Variants in DLG2 observed in about 807,000 individuals in gnomAD.
The protein encoded by DLG2 is discs large MAGUK scaffold protein 2.
A neutral mutation model predicts 132.5 loss-of-function variants in DLG2; 45 were observed. The observed-to-expected ratio is 0.34, with a 90% CI of 0.27 to 0.44. The LOEUF (loss-of-function observed/expected upper bound fraction) is 0.44. Ranked by LOEUF, DLG2 falls within the 20% of genes least tolerant of loss-of-function variation. The pLI is 1.00. For synonymous variants in DLG2, 424 were observed against 419.6 expected (o/e 1.01, Z -0.13); for missense variants, 1,045 against 1,196.9 (o/e 0.87, Z 1.87).
chr11:84,502,428 A>G (rs2099222481), intron 7 of DLG2, among the ~76,000 whole-genome samples: 1 of 126,700 alleles, frequency 7.9e-6, no homozygotes, highest in Non-Finnish European at 1.6e-5. Flanking sequence ...ACAGAGTCTC[A>G]TGCTGTCACC....
intron 21 of DLG2, among the ~76,000 whole-genome samples, chr11:83,503,579 T>C (rs1215753213): frequency 6.6e-6 from 1 of 151,570 alleles, no homozygotes; most frequent in Non-Finnish European, 1.5e-5. Flanking sequence ...TGGAGTCCGA[T>C]GTTCAAGGGT....
intron 7 of DLG2, among the ~76,000 whole-genome samples, chr11:84,356,365 T>C (rs1188602820): frequency 6.6e-6 from 1 of 152,110 alleles, no homozygotes; most frequent in African/African-American, 2.4e-5. Flanking sequence ...ACGAAGCTTA[T>C]ATGCTAGCAA....
At chr11:84,586,168 G>T (rs11821240) in intron 6 of DLG2, among the ~76,000 whole-genome samples, 59 of 149,320 alleles carry the variant, frequency 4.0e-4, no homozygotes, top group African/African-American at 7.2e-4. Flanking sequence ...AAAAAAAAGG[G>T]TTTGTAATTA....
intron 21 of DLG2, among the ~76,000 whole-genome samples, chr11:83,523,447 ATCT>A (rs1332977994): frequency 6.6e-6 from 1 of 152,182 alleles, no homozygotes; most frequent in East Asian, 1.9e-4. Flanking sequence ...ATATGTAAAA[ATCT>A]TCTAAAGAAT....
intron 4 of DLG2, among the ~76,000 whole-genome samples, chr11:85,265,461 T>A (rs1270870889): frequency 1.3e-5 from 2 of 152,146 alleles, no homozygotes; most frequent in East Asian, 3.9e-4. Context: ...CCCATTTGGC[T>A]CCAAGGCCTA....
At chr11:85,057,494 T>G (rs1020978230) in intron 6 of DLG2, among the ~76,000 whole-genome samples, 1 of 151,634 alleles carries the variant, frequency 6.6e-6, no homozygotes, top group Non-Finnish European at 1.5e-5. Flanking sequence ...TTCTAATCTC[T>G]GATAAATAAA....
chr11:85,133,811 C>T (rs1289784522), intron 5 of DLG2, among the ~76,000 whole-genome samples: 1 of 152,250 alleles, frequency 6.6e-6, no homozygotes, highest in African/African-American at 2.4e-5. Context: ...ATTTTAACAG[C>T]CAAATGATTA....
chr11:84,953,495 G>A (rs937884034), intron 6 of DLG2, among the ~76,000 whole-genome samples: 2 of 152,110 alleles, frequency 1.3e-5, no homozygotes, highest in South Asian at 4.1e-4. Context: ...TTCATCTTGA[G>A]AAACTTAATT....
intron 9 of DLG2, among the ~76,000 whole-genome samples, chr11:84,163,198 A>T (rs537122615): frequency 2.0e-5 from 3 of 152,200 alleles, no homozygotes; most frequent in Non-Finnish European, 4.4e-5. Flanking sequence ...AAAGTGCTGT[A>T]CAAGCTCATC....
At chr11:85,402,707 A>C (rs1054051363) in intron 3 of DLG2, among the ~76,000 whole-genome samples, 18 of 152,232 alleles carry the variant, frequency 1.2e-4, no homozygotes, top group Admixed American at 3.9e-4. Context: ...TTCTCAAAAG[A>C]AGACATTTAT....
At chr11:84,154,100 C>A (rs912413300) in intron 9 of DLG2, among the ~76,000 whole-genome samples, 1 of 152,190 alleles carries the variant, frequency 6.6e-6, no homozygotes, top group South Asian at 2.1e-4. Context: ...TGGGTTTAAG[C>A]GATTCTCATG....
At chr11:83,624,819 A>G (rs982347910) in intron 19 of DLG2, among the ~76,000 whole-genome samples, 2 of 152,234 alleles carry the variant, frequency 1.3e-5, no homozygotes, top group Non-Finnish European at 2.9e-5. Context: ...GGAAATCAGT[A>G]CAAAGTATAA....
chr11:83,851,280 C>G (rs543860436), intron 16 of DLG2, among the ~76,000 whole-genome samples: 1 of 152,004 alleles, frequency 6.6e-6, no homozygotes, highest in East Asian at 1.9e-4. Context: ...AAGAAGAGGT[C>G]ACAGTGGAGT....
At chr11:85,170,093 A>G (rs1252220808) in intron 4 of DLG2, among the ~76,000 whole-genome samples, 2 of 152,232 alleles carry the variant, frequency 1.3e-5, no homozygotes, top group Non-Finnish European at 2.9e-5. Context: ...CATGGCAGCG[A>G]GCCATCATAA....
intron 3 of DLG2, among the ~76,000 whole-genome samples, chr11:85,572,860 T>A (rs2077923730): frequency 6.6e-6 from 1 of 152,220 alleles, no homozygotes; most frequent in Non-Finnish European, 1.5e-5. Context: ...AGTTTGGATG[T>A]CCTGCCCAAA....
chr11:84,858,857 T>A (rs2083161286), intron 6 of DLG2, among the ~76,000 whole-genome samples: 6 of 152,054 alleles, frequency 3.9e-5, no homozygotes, highest in African/African-American at 1.2e-4. Context: ...CAATTAGTTC[T>A]CTTTTTAATA....
At chr11:84,227,877 G>T (rs2097026463) in intron 8 of DLG2, among the ~76,000 whole-genome samples, 1 of 142,572 alleles carries the variant, frequency 7.0e-6, no homozygotes, top group Non-Finnish European at 1.5e-5. Flanking sequence ...TCACACCACT[G>T]CACTATAGCC....
chr11:84,860,132 CAAAT>C (rs1177957342), intron 6 of DLG2, among the ~76,000 whole-genome samples: 1 of 152,072 alleles, frequency 6.6e-6, no homozygotes, highest in Non-Finnish European at 1.5e-5. Flanking sequence ...GTTGAATGAA[CAAAT>C]AAATAAATTT....
intron 6 of DLG2, among the ~76,000 whole-genome samples, chr11:84,704,631 G>C (rs1265706345): frequency 1.3e-5 from 2 of 151,314 alleles, no homozygotes; most frequent in Non-Finnish European, 3.0e-5. Flanking sequence ...TCTACATGTA[G>C]GCTCAAATTC....
Sources: gnomAD v4.1 joint callset for allele counts (sites outside exome capture counted in the v4.1 genomes callset) on GRCh38, gnomAD v4.1.1 for gene constraint, MANE v1.5 for transcripts, NCBI Gene and HGNC (gene_info 2026-07-23, HGNC 2026-07-21) for gene names.